The following BCKDHB variants were observed in gnomAD, a reference collection of about 807,000 sequenced individuals.
The protein encoded by BCKDHB is branched chain keto acid dehydrogenase E1 subunit beta.
BCKDHB carries 41 observed loss-of-function variants against 48.5 expected under a neutral mutation model. The observed-to-expected ratio is 0.85, with a 90% confidence interval of 0.66 to 1.10. The LOEUF is 1.10. Ranked by LOEUF, BCKDHB falls within the 50% of genes least tolerant of loss-of-function variation. BCKDHB has a pLI of 0.00. For synonymous variants in BCKDHB, 201 were observed against 174.8 expected (o/e 1.15, Z -1.18); for missense variants, 496 against 494.2 (o/e 1.00, Z -0.03).
rs551632775 is a variant in BCKDHB, at chr6:80,230,026, G to GTTTTTTTT, written c.951+26837_951+26844dup. On this transcript the variant is annotated intron_variant, in intron 8 of 9. Transcript: ENST00000320393. Reference sequence around the variant, plus strand: ...TGAATTCCAAAGGGGTTTTTAGGTTGTTTTTTTTTTTTTTTTTTTTTTTTT... The same window carrying GTTTTTTTT: ...TGAATTCCAAAGGGGTTTTTAGGTTGTTTTTTTTTTTTTTTTTTTTTTTTTTTTTTTTT... Among the ~76,000 whole-genome samples the GTTTTTTTT allele has an allele frequency of 3.2e-3, 193 of 60,646 alleles. 18 individuals carry two copies. The highest frequency in any genetic ancestry group is 0.011 in the African/African-American group (157 of 14,468). The allele number at this position is 60,646 out of a possible 152,430, so 39.8% of individuals were successfully genotyped here.
At chr6:80,431,758 G>T in the BCKDHB span, among the ~76,000 whole-genome samples, 1 of 152,108 alleles carries the variant, frequency 6.6e-6, no homozygotes, top group African/African-American at 2.4e-5. Flanking sequence ...ACACTGATGG[G>T]TCTTGACTCT....
intron 6 of BCKDHB, among the ~76,000 whole-genome samples, chr6:80,199,230 G>A (rs1774270397): frequency 6.6e-6 from 1 of 152,064 alleles, no homozygotes; most frequent in African/African-American, 2.4e-5. Flanking sequence ...GTAGGAAGAG[G>A]ATTCAGAATC....
chr6:80,328,811 A>G (rs1582576689), intron 9 of BCKDHB, among the ~76,000 whole-genome samples: 1 of 152,186 alleles, frequency 6.6e-6, no homozygotes, highest in East Asian at 1.9e-4. Flanking sequence ...GAGAATGTCA[A>G]TGAGGGAGAA....
chr6:80,215,568 C>G (rs1000655759), intron 8 of BCKDHB, among the ~76,000 whole-genome samples: 1 of 152,080 alleles, frequency 6.6e-6, no homozygotes. Flanking sequence ...TGAAAAATAA[C>G]GTGGCATTTG....
At chr6:80,334,647 A>G (rs891823578) in intron 9 of BCKDHB, among the ~76,000 whole-genome samples, 2 of 152,126 alleles carry the variant, frequency 1.3e-5, no homozygotes, top group East Asian at 3.9e-4. Flanking sequence ...TAAAAAAAAA[A>G]AAAAGTTTAA....
chr6:80,286,032 T>G (rs1330837871), intron 9 of BCKDHB, among the ~76,000 whole-genome samples: 1 of 152,160 alleles, frequency 6.6e-6, no homozygotes, highest in Admixed American at 6.6e-5. Context: ...ATGAATTAAC[T>G]TTTTAAATTG....
At chr6:80,366,652 G>C in the BCKDHB span, among the ~76,000 whole-genome samples, 1 of 152,164 alleles carries the variant, frequency 6.6e-6, no homozygotes, top group African/African-American at 2.4e-5. Context: ...CGTACAGAGA[G>C]TAGAAAACAA....
intron 6 of BCKDHB, among the ~76,000 whole-genome samples, chr6:80,199,901 A>G (rs1019672011): frequency 2.0e-5 from 3 of 150,588 alleles, no homozygotes; most frequent in Non-Finnish European, 3.0e-5. Context: ...GTGAAACCCC[A>G]TCTCTACTAA....
intron 6 of BCKDHB, among the ~76,000 whole-genome samples, chr6:80,181,616 G>A (rs145515913): frequency 1.6e-4 from 24 of 152,144 alleles, no homozygotes; most frequent in African/African-American, 5.8e-4. Flanking sequence ...TGGCTGATAG[G>A]CTTTGGTCTA....
intron 3 of BCKDHB, among the ~76,000 whole-genome samples, chr6:80,138,235 T>C (rs1386216396): frequency 4.6e-5 from 7 of 152,034 alleles, no homozygotes; most frequent in African/African-American, 1.4e-4. Context: ...TATATATTTT[T>C]CCCTCATTTA....
the BCKDHB span, among the ~76,000 whole-genome samples, chr6:80,447,406 C>T: frequency 1.6e-4 from 24 of 151,000 alleles, no homozygotes; most frequent in Non-Finnish European, 2.1e-4. Flanking sequence ...ATAAACTGCA[C>T]GTTAGAGGTG....
intron 9 of BCKDHB, among the ~76,000 whole-genome samples, chr6:80,340,912 A>C (rs1250200081): frequency 6.6e-6 from 1 of 152,178 alleles, no homozygotes; most frequent in East Asian, 1.9e-4. Flanking sequence ...CACATAAATT[A>C]TTTATATGTG....
chr6:80,180,373 C>T (rs890788306), intron 6 of BCKDHB, among the ~76,000 whole-genome samples: 1 of 152,068 alleles, frequency 6.6e-6, no homozygotes. Context: ...AAAAATCCAG[C>T]TGGTGTAAAA....
intron 8 of BCKDHB, among the ~76,000 whole-genome samples, chr6:80,226,015 A>G (rs1055657619): frequency 6.6e-6 from 1 of 152,202 alleles, no homozygotes; most frequent in Non-Finnish European, 1.5e-5. Context: ...TCTTAATCCT[A>G]AAGTTTACTC....
In BCKDHB at chr6:80,344,060, G is replaced by A. The variant is rs2128021010; in HGVS notation, c.*256G>A. ...CTGTCGCCCAGGCTAGACTGCAGTG[G>A]TGCAATCTCAGCTCACTGCAACCTC... On this transcript the variant is annotated 3_prime_UTR_variant, in exon 10 of 10. Coordinates refer to ENST00000320393, the MANE Select transcript of BCKDHB (RefSeq NM_183050.4). 3 of 471,692 alleles carry A rather than the reference G, an allele frequency of 6.4e-6. No individual in the cohort carries two copies. The highest frequency in any genetic ancestry group is 3.9e-5 in the African/African-American group (2 of 50,838). 29.2% of individuals were successfully genotyped at this position (471,692 alleles called of 1,614,324 possible).
In BCKDHB at chr6:80,189,570, T is replaced by TATA. The variant is rs535426055; in HGVS notation, c.743-11359_743-11357dup. On this transcript the variant is annotated intron_variant, in intron 6 of 9. Transcript: ENST00000320393. ...AATTTCAAATTTAGAATAAAAGGCATATAATAAGCCCTTTAGGAGTTTTCA... is the reference window on the plus strand; with the variant it reads ...AATTTCAAATTTAGAATAAAAGGCATATAATAATAAGCCCTTTAGGAGTTTTCA... 2.6e-5 allele frequency among the ~76,000 whole-genome samples: 4 copies of TATA among 152,270 alleles called. No individual in the cohort carries two copies. In the East Asian group the frequency reaches 7.7e-4, roughly 29 times the overall value.
chr6:80,197,171 G>C (rs1374235181), intron 6 of BCKDHB, among the ~76,000 whole-genome samples: 2 of 152,036 alleles, frequency 1.3e-5, no homozygotes, highest in Non-Finnish European at 2.9e-5. Context: ...ACATAGCCGT[G>C]GGGTAGGAAT....
intron 9 of BCKDHB, among the ~76,000 whole-genome samples, chr6:80,317,582 C>T (rs1768514213): frequency 6.6e-6 from 1 of 152,158 alleles, no homozygotes; most frequent in South Asian, 2.1e-4. Flanking sequence ...TAGGTTGGGC[C>T]CATCTGGGTA....
At chr6:80,189,938 G>C (rs559119085) in intron 6 of BCKDHB, among the ~76,000 whole-genome samples, 11 of 152,058 alleles carry the variant, frequency 7.2e-5, no homozygotes, top group African/African-American at 2.4e-4. Context: ...GATTAATATT[G>C]GACTACAAAT....
Sources: gnomAD v4.1 joint callset for allele counts (sites outside exome capture counted in the v4.1 genomes callset) on GRCh38, gnomAD v4.1.1 for gene constraint, MANE v1.5 for transcripts, NCBI Gene and HGNC (gene_info 2026-07-23, HGNC 2026-07-21) for gene names.